COP1: variants seen among roughly 807,000 people sequenced by gnomAD.
COP1 encodes E3 ubiquitin-protein ligase COP1.
A neutral mutation model predicts 101.3 loss-of-function variants in COP1; 24 were observed. The observed-to-expected ratio is 0.24, with a 90% CI of 0.17 to 0.33. The LOEUF (loss-of-function observed/expected upper bound fraction) is 0.33, where lower values mean the gene tolerates loss of function less well. Among genes scored for constraint, COP1 ranks in the 10% least tolerant of loss-of-function variants. The probability of loss-of-function intolerance (pLI) is 1.00; values close to 1 mark genes in which losing one functional copy is unlikely to be tolerated. For missense variants in COP1, 663 were observed against 906.2 expected (o/e 0.73, Z 3.45); for synonymous variants, 347 against 341.9 (o/e 1.01, Z -0.17).
At chr1:176,005,138 G>T (rs1382858066) in intron 15 of COP1, among the ~76,000 whole-genome samples, 1 of 152,146 alleles carries the variant, frequency 6.6e-6, no homozygotes, top group Admixed American at 6.6e-5. Flanking sequence ...GTTTATTTGT[G>T]TAGAGGTGTT....
intron 14 of COP1, among the ~76,000 whole-genome samples, chr1:176,037,356 G>A (rs1464606796): frequency 1.3e-5 from 2 of 150,538 alleles, no homozygotes; most frequent in African/African-American, 2.4e-5. Context: ...GCAGTGAGCC[G>A]AGATCATGCC....
At chr1:176,066,453 AAATGGGC>A (rs1294540304) in intron 11 of COP1, among the ~76,000 whole-genome samples, 1 of 152,126 alleles carries the variant, frequency 6.6e-6, no homozygotes, top group Non-Finnish European at 1.5e-5. Context: ...TCCAGTGATA[AAATGGGC>A]AAAGACTTTG....
chr1:176,165,569 C>T (rs1298776129), intron 3 of COP1, among the ~76,000 whole-genome samples: 3 of 152,036 alleles, frequency 2.0e-5, no homozygotes, highest in Non-Finnish European at 2.9e-5. Flanking sequence ...GTGGCACGTG[C>T]CTGTAGTCTC....
chr1:175,951,835 G>A (rs1234254686), intron 18 of COP1, among the ~76,000 whole-genome samples: 2 of 151,850 alleles, frequency 1.3e-5, no homozygotes, highest in African/African-American at 2.4e-5. Context: ...CCTAATAAAT[G>A]TATAATTGGA....
chr1:176,052,735 T>C (rs1318558123), intron 11 of COP1, among the ~76,000 whole-genome samples: 2 of 152,190 alleles, frequency 1.3e-5, no homozygotes, highest in Non-Finnish European at 2.9e-5. Flanking sequence ...TAATTTCAAC[T>C]TGTGCATCTT....
chr1:176,147,970 G>T (rs1184177642), intron 6 of COP1, among the ~76,000 whole-genome samples: 1 of 151,952 alleles, frequency 6.6e-6, no homozygotes, highest in Non-Finnish European at 1.5e-5. Context: ...CGCGATCTCG[G>T]CTCACCACAA....
intron 8 of COP1, among the ~76,000 whole-genome samples, chr1:176,133,550 C>T (rs1190807228): frequency 6.6e-6 from 1 of 151,908 alleles, no homozygotes; most frequent in Non-Finnish European, 1.5e-5. Flanking sequence ...TCCATACACA[C>T]ATCCCAAAAT....
intron 5 of COP1, among the ~76,000 whole-genome samples, chr1:176,159,396 T>C (rs1171910415): frequency 6.6e-6 from 1 of 152,072 alleles, no homozygotes. Context: ...TGGCAGTAAC[T>C]AAAAAACAGA....
intron 18 of COP1, among the ~76,000 whole-genome samples, chr1:175,949,709 T>C (rs1649633383): frequency 6.6e-6 from 1 of 152,172 alleles, no homozygotes; most frequent in Non-Finnish European, 1.5e-5. Flanking sequence ...CATGAACTGC[T>C]CCCTTTGCTA....
chr1:176,042,389 C>T (rs1670742997), intron 14 of COP1, among the ~76,000 whole-genome samples: 1 of 149,600 alleles, frequency 6.7e-6, no homozygotes, highest in Non-Finnish European at 1.5e-5. Context: ...TGGTGAAACT[C>T]CACCTCTACC....
intron 14 of COP1, among the ~76,000 whole-genome samples, chr1:176,034,378 A>G (rs1003562342): frequency 6.6e-6 from 1 of 152,178 alleles, no homozygotes; most frequent in African/African-American, 2.4e-5. Context: ...CAGCAGTATG[A>G]GAAGCTAATA....
At chr1:175,990,051 A>G (rs1002088762) in intron 15 of COP1, among the ~76,000 whole-genome samples, 2 of 151,712 alleles carry the variant, frequency 1.3e-5, no homozygotes, top group African/African-American at 4.8e-5. Flanking sequence ...GTCTTCAGTT[A>G]GCTTTGTTAT....
intron 2 of COP1, among the ~76,000 whole-genome samples, chr1:176,184,346 G>A (rs1382391868): frequency 1.3e-5 from 2 of 152,114 alleles, no homozygotes; most frequent in African/African-American, 4.8e-5. Flanking sequence ...TGATTGTCCA[G>A]CATCACTAAG....
At chr1:176,128,774 G>A (rs1688446569) in intron 8 of COP1, among the ~76,000 whole-genome samples, 1 of 151,524 alleles carries the variant, frequency 6.6e-6, no homozygotes, top group East Asian at 1.9e-4. Flanking sequence ...TTCATTTCCT[G>A]CATTAAAAAA....
intron 15 of COP1, among the ~76,000 whole-genome samples, chr1:176,002,267 T>C (rs948196061): frequency 7.9e-5 from 12 of 152,134 alleles, no homozygotes; most frequent in African/African-American, 2.9e-4. Context: ...TTTTCTTTTA[T>C]TCTTTTTTCT....
intron 1 of COP1, among the ~76,000 whole-genome samples, chr1:176,196,223 A>G (rs1296572939): frequency 6.6e-6 from 1 of 152,186 alleles, no homozygotes; most frequent in Non-Finnish European, 1.5e-5. Flanking sequence ...AGAAAACATG[A>G]AACTCCAAGT....
intron 18 of COP1, among the ~76,000 whole-genome samples, chr1:175,986,162 GTCA>G (rs1410229664): frequency 6.6e-6 from 1 of 152,062 alleles, no homozygotes; most frequent in Non-Finnish European, 1.5e-5. Flanking sequence ...TGGGACTACA[GTCA>G]CCCGCCACCA....
At chr1:176,188,135 G>A (rs1415807645) in intron 1 of COP1, among the ~76,000 whole-genome samples, 2 of 151,936 alleles carry the variant, frequency 1.3e-5, no homozygotes, top group Non-Finnish European at 2.9e-5. Context: ...CCACAAACAT[G>A]AGAAATAAAG....
chr1:176,102,430 T>C (rs1184064881), intron 9 of COP1, among the ~76,000 whole-genome samples: 1 of 152,150 alleles, frequency 6.6e-6, no homozygotes, highest in East Asian at 1.9e-4. Flanking sequence ...AGAAATATAC[T>C]TGGTCTCTGT....
Sources: allele counts gnomAD v4.1 joint callset (sites outside exome capture counted in the v4.1 genomes callset), GRCh38; gene constraint gnomAD v4.1.1; transcripts MANE v1.5; gene names NCBI Gene and HGNC (gene_info 2026-07-23, HGNC 2026-07-21).